The following PITPNC1 variants were observed in gnomAD, a reference collection of about 807,000 sequenced individuals.
PITPNC1 encodes the protein phosphatidylinositol transfer protein cytoplasmic 1.
Under a neutral mutation model 44.7 loss-of-function variants are expected in PITPNC1, and 18 were observed. The observed-to-expected ratio is 0.40, with a 90% CI of 0.28 to 0.60. The LOEUF is 0.60. PITPNC1 is among the 20% of genes least tolerant of loss of function. PITPNC1 has a pLI of 0.39. For synonymous variants in PITPNC1, 141 were observed against 149.6 expected (o/e 0.94, Z 0.42); for missense variants, 290 against 418.4 (o/e 0.69, Z 2.68).
chr17:67,427,873 CAG>C (rs1375562461), intron 1 of PITPNC1, among the ~76,000 whole-genome samples: 12 of 152,216 alleles, frequency 7.9e-5, no homozygotes, highest in Admixed American at 5.2e-4. Flanking sequence ...TTGATATGAT[CAG>C]AGAGATTGAT....
chr17:67,616,815 G>A lies in PITPNC1; in HGVS notation c.367-15328G>A, dbSNP rs570099119. 5.3e-5 allele frequency among the ~76,000 whole-genome samples: 8 copies of A among 152,132 alleles called. No individual in the cohort carries two copies. The South Asian group carries it at 1.7e-3, about 32-fold the overall frequency. On this transcript the variant is annotated intron_variant, in intron 5 of 8. Coordinates refer to ENST00000581322, the MANE Select transcript of PITPNC1 (RefSeq NM_012417.4). ...GCAGCCTCTGCTTTTTCATCTTACTGTTCTCATTTTCGCCTGGTGCGTTCG... is the reference window on the plus strand; with the variant it reads ...GCAGCCTCTGCTTTTTCATCTTACTATTCTCATTTTCGCCTGGTGCGTTCG...
intron 6 of PITPNC1, among the ~76,000 whole-genome samples, chr17:67,648,234 A>C (rs924910871): frequency 6.6e-6 from 1 of 152,206 alleles, no homozygotes; most frequent in Non-Finnish European, 1.5e-5. Context: ...TTGTCAGCCT[A>C]TTATCAGCTT....
At position 67,597,647 on chromosome 17, in the gene PITPNC1, AT is replaced by A. The variant is rs1466029279; in HGVS notation, c.366+19393del. ...AAATTTGAGAAGTCCTTTATTTTAC[AT>A]TTAAAAGATAGGATGCTTTTAATGG... On this transcript the variant is annotated intron_variant, in intron 5 of 8. Coordinates refer to ENST00000581322, the MANE Select transcript of PITPNC1 (RefSeq NM_012417.4). The surrounding 1 kb of genome is among the most constrained non-coding windows in gnomAD (Gnocchi z 4.0). Among the ~76,000 whole-genome samples, 1 of 152,232 alleles carries A rather than the reference AT, an allele frequency of 6.6e-6. No individual in the cohort carries two copies. The highest frequency in any genetic ancestry group is 1.5e-5 in the Non-Finnish European group (1 of 68,044).
intron 6 of PITPNC1, among the ~76,000 whole-genome samples, chr17:67,639,755 G>A (rs2042072061): frequency 6.6e-6 from 1 of 152,194 alleles, no homozygotes; most frequent in Non-Finnish European, 1.5e-5. Flanking sequence ...TTAAGGGAGA[G>A]AGAACAGAAC....
chr17:67,539,249 A>G (rs1320164103), intron 2 of PITPNC1, among the ~76,000 whole-genome samples: 1 of 152,238 alleles, frequency 6.6e-6, no homozygotes, highest in African/African-American at 2.4e-5. Flanking sequence ...TTTAGAGAGC[A>G]ATGGACAGCA....
intron 6 of PITPNC1, among the ~76,000 whole-genome samples, chr17:67,663,502 G>A (rs1006496008): frequency 6.7e-5 from 10 of 150,234 alleles, no homozygotes; most frequent in East Asian, 2.0e-4. Context: ...CCTGGGAGGC[G>A]GAGCTTACAG....
chr17:67,664,016 G>A (rs1403149707), intron 6 of PITPNC1, among the ~76,000 whole-genome samples: 3 of 152,112 alleles, frequency 2.0e-5, no homozygotes, highest in Non-Finnish European at 2.9e-5. Context: ...ATGCTGGAGT[G>A]CAGTGGCGTG....
intron 5 of PITPNC1, among the ~76,000 whole-genome samples, chr17:67,594,271 G>A (rs2144261791): frequency 6.6e-6 from 1 of 152,314 alleles, no homozygotes; most frequent in South Asian, 2.1e-4. Flanking sequence ...GATGCTGCAT[G>A]TCAAATGCTT....
At chr17:67,577,345 T>C (rs2041163457) in intron 4 of PITPNC1, among the ~76,000 whole-genome samples, 1 of 151,430 alleles carries the variant, frequency 6.6e-6, no homozygotes, top group Non-Finnish European at 1.5e-5. Flanking sequence ...CCCAGCACTA[T>C]GGGAGGCCAA....
intron 6 of PITPNC1, among the ~76,000 whole-genome samples, chr17:67,654,061 T>C (rs1353253180): frequency 6.6e-6 from 1 of 152,172 alleles, no homozygotes; most frequent in Non-Finnish European, 1.5e-5. Flanking sequence ...GAGCGGCCCA[T>C]GACAGGGACA....
intron 1 of PITPNC1, among the ~76,000 whole-genome samples, chr17:67,520,244 G>A (rs902822191): frequency 6.6e-6 from 1 of 152,118 alleles, no homozygotes; most frequent in African/African-American, 2.4e-5. Context: ...TCTCTGCTGC[G>A]AACATCTCTG....
chr17:67,427,103 G>C (rs368289754), intron 1 of PITPNC1, among the ~76,000 whole-genome samples: 2 of 152,208 alleles, frequency 1.3e-5, no homozygotes, highest in Non-Finnish European at 2.9e-5. Context: ...GGCCCTGGAG[G>C]AGTTCTCCTG....
At chr17:67,670,189 C>G (rs1037198151) in intron 7 of PITPNC1, among the ~76,000 whole-genome samples, 1 of 152,208 alleles carries the variant, frequency 6.6e-6, no homozygotes, top group East Asian at 1.9e-4. Flanking sequence ...TGCCCCATCT[C>G]TCATTCTGTG....
At chr17:67,436,588 G>A (rs1417970452) in intron 1 of PITPNC1, among the ~76,000 whole-genome samples, 1 of 152,132 alleles carries the variant, frequency 6.6e-6, no homozygotes, top group East Asian at 1.9e-4. Flanking sequence ...GGGAGTTTGG[G>A]ATATGTCCTT....
chr17:67,401,182 G>T (rs1199084651), intron 1 of PITPNC1, among the ~76,000 whole-genome samples: 2 of 152,084 alleles, frequency 1.3e-5, no homozygotes, highest in Non-Finnish European at 2.9e-5. Flanking sequence ...TGATCCGCCC[G>T]CCCTGGTCTC....
At chr17:67,650,028 G>C (rs979626838) in intron 6 of PITPNC1, among the ~76,000 whole-genome samples, 1 of 151,998 alleles carries the variant, frequency 6.6e-6, no homozygotes, top group Non-Finnish European at 1.5e-5. Flanking sequence ...TCAGTGGATG[G>C]GGCTGAAAGT....
At chr17:67,689,040 T>TA (rs1429340246) in intron 8 of PITPNC1, among the ~76,000 whole-genome samples, 2 of 152,044 alleles carry the variant, frequency 1.3e-5, no homozygotes, top group Admixed American at 6.6e-5. Flanking sequence ...CCGTCTCTAC[T>TA]AAAAATACAA....
chr17:67,571,580 C>T (rs2041058643), intron 4 of PITPNC1, among the ~76,000 whole-genome samples: 1 of 152,236 alleles, frequency 6.6e-6, no homozygotes, highest in Admixed American at 6.5e-5. Context: ...GTTCTAGTTT[C>T]ACCAGAAATG....
At chr17:67,663,555 G>A (rs1598952883) in intron 6 of PITPNC1, among the ~76,000 whole-genome samples, 1 of 150,886 alleles carries the variant, frequency 6.6e-6, no homozygotes, top group Admixed American at 6.6e-5. Context: ...GCAACACAGC[G>A]AGACTCCATC....
Sources: allele counts gnomAD v4.1 joint callset (sites outside exome capture counted in the v4.1 genomes callset), GRCh38; gene constraint gnomAD v4.1.1; non-coding constraint Gnocchi (gnomAD v3.1); transcripts MANE v1.5; gene names NCBI Gene and HGNC (gene_info 2026-07-23, HGNC 2026-07-21).